C9orf43: variants seen among roughly 807,000 people sequenced by gnomAD.
C9orf43 encodes chromosome 9 open reading frame 43.
In C9orf43, 45 loss-of-function variants were observed where a neutral mutation model predicts 59.1. The observed-to-expected ratio is 0.76, with a 90% confidence interval of 0.60 to 0.98. C9orf43 has a LOEUF of 0.98. C9orf43 is among the 50% of genes least tolerant of loss of function. The pLI, the probability that C9orf43 is intolerant of heterozygous loss-of-function variation, is 0.00. For synonymous variants in C9orf43, 203 were observed against 196.8 expected, an observed-to-expected ratio of 1.03 and a Z score of -0.26; for missense variants, 533 against 554.9, an observed-to-expected ratio of 0.96 and a Z score of 0.40.
chr9:113,414,337 C>T (rs751729334), intron 3 of C9orf43, among the ~76,000 whole-genome samples: 2 of 151,910 alleles, frequency 1.3e-5, no homozygotes, highest in African/African-American at 2.4e-5. Context: ...TGCAATGGTG[C>T]GATCATAGCT....
At chr9:113,417,887 T>C (rs1828427073) in intron 3 of C9orf43, among the ~76,000 whole-genome samples, 1 of 152,174 alleles carries the variant, frequency 6.6e-6, no homozygotes, top group Admixed American at 6.5e-5. Flanking sequence ...TAAAGCAGGC[T>C]GAGTGTTAGG....
chr9:113,424,702 T>G (rs1405107320), intron 8 of C9orf43, among the ~76,000 whole-genome samples: 1 of 151,942 alleles, frequency 6.6e-6, no homozygotes, highest in Non-Finnish European at 1.5e-5. Flanking sequence ...AATTTTTAAT[T>G]TTTTGTAGAG....
chr9:113,414,956 C>T (rs1402936462), intron 3 of C9orf43, among the ~76,000 whole-genome samples: 11 of 152,116 alleles, frequency 7.2e-5, no homozygotes, highest in African/African-American at 2.2e-4. Context: ...CTCAGCCTCC[C>T]GAGTATCTGG....
At chr9:113,419,225 C>A in intron 4 of C9orf43, 60 bp downstream of exon 4, 1 of 1,259,582 alleles carries the variant, frequency 7.9e-7, no homozygotes, top group South Asian at 1.3e-5. Flanking sequence ...TGGAAATAAA[C>A]TATTCTGCCT....
chr9:113,428,065 A>G, intron 11 of C9orf43, 82 bp from the exon 12 acceptor site: 2 of 1,352,516 alleles, frequency 1.5e-6, no homozygotes, highest in Admixed American at 3.4e-5. Context: ...AGTCACTTGT[A>G]GACTAGGGGT....
At chr9:113,425,815 G>A in intron 11 of C9orf43, 85 bp downstream of exon 11, 1 of 1,072,470 alleles carries the variant, frequency 9.3e-7, no homozygotes, top group Non-Finnish European at 1.4e-6. Flanking sequence ...ACATGCTCTT[G>A]TCATTTTGAG....
At position 113,413,877 on chromosome 9, in the gene C9orf43, C is replaced by A; in HGVS notation, c.270C>A (p.Tyr90Ter). Residue 90 changes from tyrosine to a stop codon, truncating the protein, a stop_gained, in exon 3 of 14, where the codon TAC (tyrosine) becomes TAA (stop). Transcript: ENST00000374165. LOFTEE classifies it high-confidence loss of function. The part of the protein sequence containing the change: ...HSLLSQSSKF[Y>*]SKFHGRPPKG... ...TATTGTCTCAGAGTTCAAAGTTTTACTCCAAATTTCATGGCAGGTAAATTA... is the reference window on the plus strand; with the variant it reads ...TATTGTCTCAGAGTTCAAAGTTTTAATCCAAATTTCATGGCAGGTAAATTA... The A allele has an allele frequency of 6.2e-7, 1 of 1,609,580 alleles. No homozygotes were observed. Among genetic ancestry groups the A allele is most frequent in the African/African-American group, 1.3e-5 (1 of 74,714 alleles).
chr9:113,419,388 A>G (rs146330835), intron 4 of C9orf43, among the ~76,000 whole-genome samples: 305 of 152,204 alleles, frequency 2.0e-3, no homozygotes, highest in African/African-American at 7.0e-3. Flanking sequence ...ATCTATTTGT[A>G]TGGGTTTGGC....
intron 6 of C9orf43, among the ~76,000 whole-genome samples, chr9:113,422,864 C>T (rs956211715): frequency 1.1e-4 from 17 of 151,898 alleles, no homozygotes; most frequent in African/African-American, 4.1e-4. Context: ...AAAACGAATC[C>T]CCAACGTGAT....
rs762844920 is a variant in C9orf43, at chr9:113,429,404, AG to A, written c.*19del. The A allele has an allele frequency of 3.4e-5, 55 of 1,608,316 alleles. No homozygotes were observed. Among genetic ancestry groups the A allele is most frequent in the Non-Finnish European group, 4.3e-5 (50 of 1,175,818 alleles). On this transcript the variant is annotated 3_prime_UTR_variant, in exon 14 of 14. Transcript: ENST00000374165. Reference sequence around the variant, plus strand: ...CAGAGTGAGAAGCCTCTGGAGGAATAGACTGAAGGCATCCCCTGGGGCAGCC... The same window carrying A: ...CAGAGTGAGAAGCCTCTGGAGGAATAACTGAAGGCATCCCCTGGGGCAGCC...
chr9:113,419,254 C>G, intron 4 of C9orf43, 89 bp downstream of exon 4: 1 of 1,011,358 alleles, frequency 9.9e-7, no homozygotes. Flanking sequence ...AATTATTCCT[C>G]AGGAGGACTA....
At chr9:113,414,094 A>G (rs1828270957) in intron 3 of C9orf43, among the ~76,000 whole-genome samples, 200 bp downstream of exon 3, 1 of 152,178 alleles carries the variant, frequency 6.6e-6, no homozygotes, top group Non-Finnish European at 1.5e-5. Flanking sequence ...TTTGGGAGGT[A>G]TATTGGTTCG....
chr9:113,428,095 A>G, intron 11 of C9orf43, 52 bp from the exon 12 acceptor site: 2 of 1,588,066 alleles, frequency 1.3e-6, no homozygotes, highest in Non-Finnish European at 1.7e-6. Context: ...GCCCCCAAAT[A>G]GGGTATGATA....
intron 3 of C9orf43, among the ~76,000 whole-genome samples, chr9:113,418,688 C>T (rs1828463933): frequency 6.6e-6 from 1 of 152,092 alleles, no homozygotes; most frequent in African/African-American, 2.4e-5. Context: ...TAAGTGAAAC[C>T]ATGGATAAAG....
intron 8 of C9orf43, 37 bp from the exon 9 acceptor site, chr9:113,424,982 G>T (rs1351652559): frequency 1.0e-5 from 16 of 1,575,344 alleles, no homozygotes; most frequent in Non-Finnish European, 1.3e-5. Flanking sequence ...GGAAAGACCT[G>T]CAGTAGAGCT....
intron 3 of C9orf43, among the ~76,000 whole-genome samples, chr9:113,415,431 A>G (rs930608322): frequency 4.6e-5 from 7 of 152,310 alleles, no homozygotes; most frequent in African/African-American, 1.7e-4. Flanking sequence ...TGTTATGTAT[A>G]TATTTACCAC....
chr9:113,424,272 A>G lies in C9orf43; in HGVS notation c.763A>G (p.Ile255Val), dbSNP rs1828698848. The G allele has an allele frequency of 1.2e-6, 2 of 1,613,924 alleles. No homozygotes were observed. Among genetic ancestry groups the G allele is most frequent in the Non-Finnish European group, 1.7e-6 (2 of 1,179,982 alleles). The change falls in exon 8 of 14, where the codon ATT becomes GTT. Residue 255 changes from isoleucine to valine, a missense_variant. By Grantham distance (29) the Ile-to-Val change is conservative (BLOSUM62 3). Transcript: ENST00000374165. ...GGAAAAGAACCGACCTGACAGTGTG[A>G]TTTCTTCTAAGATGTTTCTATCTAT... is the stretch of plus-strand genomic sequence containing the variant. Reference protein sequence around the residue: ...PLEKNRPDSVISSKMFLSIHR... With the variant: ...PLEKNRPDSVVSSKMFLSIHR...
chr9:113,421,237 A>T (rs1011914834), intron 5 of C9orf43, 34 bp downstream of exon 5: 13 of 1,469,380 alleles, frequency 8.8e-6, no homozygotes, highest in Non-Finnish European at 1.1e-5. Context: ...GAGGACTTTG[A>T]CTCTATAAAT....
chr9:113,414,821 G>A (rs935537204), intron 3 of C9orf43, among the ~76,000 whole-genome samples: 3 of 152,054 alleles, frequency 2.0e-5, no homozygotes, highest in Non-Finnish European at 4.4e-5. Context: ...CTGTATGTAC[G>A]GACAGAAAAC....
Sources: allele counts gnomAD v4.1 joint callset (sites outside exome capture counted in the v4.1 genomes callset), GRCh38; gene constraint gnomAD v4.1.1; transcripts MANE v1.5; gene names NCBI Gene and HGNC (gene_info 2026-07-23, HGNC 2026-07-21).